The following MYRIP variants were observed in gnomAD, a reference collection of about 807,000 sequenced individuals.
MYRIP encodes myosin VIIA and Rab interacting protein.
In MYRIP, 49 loss-of-function variants were observed where a neutral mutation model predicts 98.0. The ratio of observed to expected loss-of-function variants is 0.50; its 90% CI spans 0.40 to 0.63. The LOEUF (loss-of-function observed/expected upper bound fraction) is 0.63. Among genes scored for constraint, MYRIP ranks in the 30% least tolerant of loss-of-function variants. MYRIP has a pLI of 0.00. For synonymous variants in MYRIP, 404 were observed against 409.5 expected (o/e 0.99, Z 0.16); for missense variants, 1,004 against 1,058.2 (o/e 0.95, Z 0.71).
chr3:39,957,321 T>G (rs182192542), intron 2 of MYRIP, among the ~76,000 whole-genome samples: 1 of 151,768 alleles, frequency 6.6e-6, no homozygotes. Context: ...ATCAAAAAGC[T>G]TATCTACCAT....
intron 2 of MYRIP, among the ~76,000 whole-genome samples, chr3:39,936,488 A>C (rs1172116503): frequency 1.3e-5 from 2 of 152,162 alleles, no homozygotes; most frequent in Non-Finnish European, 2.9e-5. Context: ...TGAGAGCCCC[A>C]GTATCTCCAA....
At chr3:40,072,011 C>A (rs920082877) in intron 3 of MYRIP, among the ~76,000 whole-genome samples, 2 of 152,024 alleles carry the variant, frequency 1.3e-5, no homozygotes, top group Non-Finnish European at 2.9e-5. Context: ...GAATGGCATG[C>A]CATTCAAAGT....
In MYRIP at chr3:40,209,862, T is replaced by C; in HGVS notation, c.1674T>C (p.Asp558=). 1 of 1,613,898 alleles carries C rather than the reference T, an allele frequency of 6.2e-7. No homozygotes were observed. The highest frequency in any genetic ancestry group is 8.5e-7 in the Non-Finnish European group (1 of 1,179,894). Residue 558 remains aspartate, a synonymous_variant, in exon 11 of 17, where the codon GAT becomes GAC. Coordinates refer to ENST00000302541, the MANE Select transcript of MYRIP (RefSeq NM_015460.4). ...TTCTGGCTTTCATTTAGGTGTCGGA[T>C]GATTTATCAGAGACAGACATCAGCA... The part of the protein sequence containing the change: ...LRDLDTHQVS[D]DLSETDISNE...
intron 2 of MYRIP, among the ~76,000 whole-genome samples, chr3:40,001,671 C>T (rs559530690): frequency 7.9e-5 from 12 of 152,200 alleles, no homozygotes; most frequent in Non-Finnish European, 1.8e-4. Context: ...GAAGGCCATA[C>T]ATTGCAAGGG....
At chr3:39,876,123 G>T (rs559306378) in intron 1 of MYRIP, among the ~76,000 whole-genome samples, 1 of 152,120 alleles carries the variant, frequency 6.6e-6, no homozygotes, top group Non-Finnish European at 1.5e-5. Flanking sequence ...TTTGATCTTT[G>T]TTGGTTTAAA....
At chr3:39,982,868 C>T (rs1051371333) in intron 2 of MYRIP, among the ~76,000 whole-genome samples, 9 of 152,084 alleles carry the variant, frequency 5.9e-5, no homozygotes, top group African/African-American at 2.2e-4. Flanking sequence ...GGATTATTTA[C>T]CCAGTAATGT....
intron 3 of MYRIP, among the ~76,000 whole-genome samples, chr3:40,101,945 G>A (rs1948953477): frequency 6.6e-6 from 1 of 152,168 alleles, no homozygotes; most frequent in Non-Finnish European, 1.5e-5. Context: ...TGACTGGTTG[G>A]CTTCAGCCTA....
At chr3:40,106,812 A>C (rs991081019) in intron 3 of MYRIP, among the ~76,000 whole-genome samples, 5 of 152,118 alleles carry the variant, frequency 3.3e-5, no homozygotes, top group African/African-American at 1.2e-4. Flanking sequence ...CATGTTATTT[A>C]ATGGGCTTTT....
chr3:39,835,996 A>G (rs1941607786), intron 1 of MYRIP, among the ~76,000 whole-genome samples: 1 of 152,122 alleles, frequency 6.6e-6, no homozygotes, highest in African/African-American at 2.4e-5. Context: ...TCTAACATTG[A>G]TGGGCATTTG....
intron 3 of MYRIP, among the ~76,000 whole-genome samples, chr3:40,099,780 T>TA (rs1948907552): frequency 6.6e-6 from 1 of 152,202 alleles, no homozygotes; most frequent in Non-Finnish European, 1.5e-5. Context: ...AAGCACATGA[T>TA]AAAACCATGT....
rs1329860903 is a variant in MYRIP at position 39,985,572 on chromosome 3, A to G, written c.111-58478A>G. On this transcript the variant is annotated intron_variant, in intron 2 of 16. Transcript: ENST00000302541. ...ACTTCAAACTATACTACAAGGCTAC[A>G]GTAACCAAAACAGCATGGTACTGGT... Among the ~76,000 whole-genome samples the G allele has an allele frequency of 1.3e-4, 18 of 137,990 alleles. 1 individual carries two copies. Among genetic ancestry groups the G allele is most frequent in the African/African-American group, 3.8e-4 (13 of 34,578 alleles). The allele number at this position is 137,990 out of a possible 152,430, so 90.5% of individuals were successfully genotyped here.
intron 3 of MYRIP, among the ~76,000 whole-genome samples, chr3:40,067,984 G>T (rs1185200334): frequency 1.3e-5 from 2 of 152,144 alleles, no homozygotes; most frequent in African/African-American, 4.8e-5. Context: ...TAGTTATTGA[G>T]ATGCATATTT....
chr3:40,155,725 C>G (rs1950219540), intron 4 of MYRIP, among the ~76,000 whole-genome samples: 1 of 151,934 alleles, frequency 6.6e-6, no homozygotes, highest in African/African-American at 2.4e-5. Flanking sequence ...TTTTGATTTG[C>G]ATTTCTCTGA....
At chr3:39,870,846 C>T (rs978287501) in intron 1 of MYRIP, among the ~76,000 whole-genome samples, 2 of 152,152 alleles carry the variant, frequency 1.3e-5, no homozygotes, top group Non-Finnish European at 2.9e-5. Context: ...TTCTTTGGGT[C>T]TCAGCAGTTA....
chr3:40,097,715 A>T (rs1948859630), intron 3 of MYRIP, among the ~76,000 whole-genome samples: 1 of 152,182 alleles, frequency 6.6e-6, no homozygotes, highest in African/African-American at 2.4e-5. Flanking sequence ...GTCCCACGGG[A>T]TGGTACCAGA....
intron 9 of MYRIP, among the ~76,000 whole-genome samples, chr3:40,187,879 C>T (rs1211596209): frequency 1.3e-5 from 2 of 152,110 alleles, no homozygotes; most frequent in African/African-American, 4.8e-5. Flanking sequence ...GCCATTCCCA[C>T]CAGTGGGATG....
intron 3 of MYRIP, among the ~76,000 whole-genome samples, chr3:40,087,066 A>G (rs553438991): frequency 6.6e-6 from 1 of 152,160 alleles, no homozygotes; most frequent in African/African-American, 2.4e-5. Flanking sequence ...CGAACATATT[A>G]CCACAGCAAC....
chr3:40,028,075 C>A (rs1947175751), intron 2 of MYRIP, among the ~76,000 whole-genome samples: 1 of 152,112 alleles, frequency 6.6e-6, no homozygotes, highest in African/African-American at 2.4e-5. Context: ...GCCATCACTT[C>A]CTGCTACGCC....
At chr3:40,216,334 A>C (rs1952118222) in intron 11 of MYRIP, among the ~76,000 whole-genome samples, 1 of 152,184 alleles carries the variant, frequency 6.6e-6, no homozygotes. Flanking sequence ...GAAGCCCAAA[A>C]GTAAGAAACG....
Sources: gnomAD v4.1 joint callset for allele counts (sites outside exome capture counted in the v4.1 genomes callset) on GRCh38, gnomAD v4.1.1 for gene constraint, MANE v1.5 for transcripts, NCBI Gene and HGNC (gene_info 2026-07-23, HGNC 2026-07-21) for gene names.